The following WDR41 variants were observed in gnomAD, a reference collection of about 807,000 sequenced individuals.
WDR41 encodes the protein WD repeat-containing protein 41.
A neutral mutation model predicts 69.3 loss-of-function variants in WDR41; 63 were observed. The observed-to-expected ratio is 0.91, with a 90% CI of 0.74 to 1.12. The LOEUF is 1.12. WDR41 is among the 50% of genes most tolerant of loss of function. WDR41 has a pLI of 0.00. For synonymous variants in WDR41, 185 were observed against 192.1 expected, an observed-to-expected ratio of 0.96 and a Z score of 0.31; for missense variants, 543 against 534.5, an observed-to-expected ratio of 1.02 and a Z score of -0.16.
At position 77,481,953 on chromosome 5, in the gene WDR41, G is replaced by A. The variant is rs533871804; in HGVS notation, c.167+7504C>T. On this transcript the variant is annotated intron_variant, in intron 2 of 12. Coordinates refer to ENST00000296679, the MANE Select transcript of WDR41 (RefSeq NM_018268.4). ...AGGGTGGTTCTCCACTGAACACTCAGAACACTAGCAATATCTAAGAAAACA... is the reference window on the plus strand; with the variant it reads ...AGGGTGGTTCTCCACTGAACACTCAAAACACTAGCAATATCTAAGAAAACA... Among the ~76,000 whole-genome samples the A allele has an allele frequency of 7.9e-5, 12 of 152,302 alleles. No homozygotes were observed. The South Asian group carries it at 2.3e-3, about 29-fold the overall frequency.
chr5:77,504,696 C>A (rs1802078354), intron 1 of WDR41, among the ~76,000 whole-genome samples: 1 of 152,108 alleles, frequency 6.6e-6, no homozygotes, highest in Non-Finnish European at 1.5e-5. Flanking sequence ...CAGCTTCATC[C>A]CTGGGATGCA....
intron 2 of WDR41, among the ~76,000 whole-genome samples, chr5:77,465,031 C>A (rs1164527715): frequency 6.6e-6 from 1 of 152,084 alleles, no homozygotes; most frequent in Admixed American, 6.6e-5. Flanking sequence ...AAAGAATAAA[C>A]TGCTAGAAAT....
intron 1 of WDR41, among the ~76,000 whole-genome samples, chr5:77,607,295 T>C (rs1744442484): frequency 6.6e-6 from 1 of 152,186 alleles, no homozygotes; most frequent in Non-Finnish European, 1.5e-5. Context: ...TGATAGATGC[T>C]ACAAAGAAAA....
chr5:77,539,982 G>A (rs1743058133), intron 1 of WDR41, among the ~76,000 whole-genome samples: 2 of 152,118 alleles, frequency 1.3e-5, no homozygotes, highest in African/African-American at 4.8e-5. Context: ...GTATAGCTGG[G>A]CCTTTACATA....
chr5:77,615,023 A>G (rs1276353474), intron 1 of WDR41, among the ~76,000 whole-genome samples: 1 of 152,136 alleles, frequency 6.6e-6, no homozygotes, highest in Non-Finnish European at 1.5e-5. Flanking sequence ...TAGAAAGAAG[A>G]TCAGTGGCTG....
chr5:77,499,162 G>A (rs116319819), intron 1 of WDR41, among the ~76,000 whole-genome samples: 2,830 of 152,256 alleles, frequency 0.019, 64 homozygotes, highest in African/African-American at 0.055. Context: ...AATAGATGAC[G>A]TAACTCTTTA....
chr5:77,554,303 C>A (rs1358492067), intron 1 of WDR41, among the ~76,000 whole-genome samples: 4 of 152,128 alleles, frequency 2.6e-5, no homozygotes, highest in Non-Finnish European at 5.9e-5. Flanking sequence ...AGTAGTTGTT[C>A]TGGTCTGAAT....
chr5:77,492,137 G>A (rs755030285), intron 1 of WDR41, 33 bp downstream of exon 1: 11 of 1,601,822 alleles, frequency 6.9e-6, no homozygotes, highest in Admixed American at 1.7e-5. Flanking sequence ...CAGCAAGCTC[G>A]ACGGACGCAG....
intron 1 of WDR41, among the ~76,000 whole-genome samples, chr5:77,501,658 C>T (rs1038916032): frequency 3.3e-5 from 5 of 152,082 alleles, no homozygotes; most frequent in African/African-American, 9.7e-5. Flanking sequence ...GGTGGATGCC[C>T]CTCTGGGACA....
At chr5:77,509,967 C>G (rs915864016) in intron 1 of WDR41, among the ~76,000 whole-genome samples, 3 of 152,132 alleles carry the variant, frequency 2.0e-5, no homozygotes, top group African/African-American at 4.8e-5. Context: ...AATAGAACCT[C>G]TTAAGAAACT....
chr5:77,493,334 C>G (rs34741813), upstream of WDR41, among the ~76,000 whole-genome samples: 49,935 of 152,028 alleles, frequency 0.33, 8,282 homozygotes, highest in East Asian at 0.36. Flanking sequence ...AGGGAATCTA[C>G]AAATGTCCCA....
intron 3 of WDR41, among the ~76,000 whole-genome samples, chr5:77,464,297 T>TTTG (rs1212132532): frequency 3.0e-5 from 4 of 133,956 alleles, no homozygotes; most frequent in Non-Finnish European, 6.2e-5. Flanking sequence ...TTTTTTTTTT[T>TTTG]GAGACAGTCT....
At chr5:77,527,572 C>T (rs189911196) in intron 1 of WDR41, among the ~76,000 whole-genome samples, 1 of 151,758 alleles carries the variant, frequency 6.6e-6, no homozygotes, top group African/African-American at 2.4e-5. Flanking sequence ...ACAGACTATA[C>T]AATTTAAACA....
chr5:77,571,896 T>C (rs569291474), intron 1 of WDR41, among the ~76,000 whole-genome samples: 1 of 152,272 alleles, frequency 6.6e-6, no homozygotes, highest in African/African-American at 2.4e-5. Context: ...AGGGGGAAAG[T>C]GTTTTTCCAA....
At position 77,498,343 on chromosome 5, in the gene WDR41, A is replaced by G. The variant is rs1581774258; in HGVS notation, c.43-8771T>C. 2.0e-5 allele frequency among the ~76,000 whole-genome samples: 3 copies of G among 152,218 alleles called. 1 individual carries two copies. Among genetic ancestry groups the G allele is most frequent in the African/African-American group, 7.2e-5 (3 of 41,516 alleles). ...ATATATGGATAACTGATTTTTTTAC[A>G]GAAGTGTAAAGGCAGTCAGTGTAGA... On this transcript the variant is annotated intron_variant, in intron 1 of 5. Coordinates refer to the WDR41 transcript ENST00000509971.
intron 2 of WDR41, among the ~76,000 whole-genome samples, chr5:77,487,940 G>A (rs925683576): frequency 6.6e-6 from 1 of 152,184 alleles, no homozygotes; most frequent in African/African-American, 2.4e-5. Context: ...TTCCAAGAGG[G>A]CGAGGAGTCT....
At chr5:77,457,531 G>T (rs950130436) in intron 5 of WDR41, among the ~76,000 whole-genome samples, 2 of 151,888 alleles carry the variant, frequency 1.3e-5, no homozygotes, top group Non-Finnish European at 2.9e-5. Flanking sequence ...TTCCTTTAAA[G>T]AGTTTTCTAG....
At chr5:77,501,041 C>A (rs1466392761) in intron 1 of WDR41, among the ~76,000 whole-genome samples, 1 of 152,144 alleles carries the variant, frequency 6.6e-6, no homozygotes, top group African/African-American at 2.4e-5. Flanking sequence ...TGGGCACAAC[C>A]CATGTAGGGC....
chr5:77,440,738 G>T (rs1799125257), intron 9 of WDR41, 75 bp downstream of exon 9: 4 of 1,414,312 alleles, frequency 2.8e-6, no homozygotes, highest in Non-Finnish European at 3.9e-6. Context: ...TCCAACATGG[G>T]ATTAAATTTT....
Sources: gnomAD v4.1 joint callset for allele counts (sites outside exome capture counted in the v4.1 genomes callset) on GRCh38, gnomAD v4.1.1 for gene constraint, MANE v1.5 for transcripts, NCBI Gene and HGNC (gene_info 2026-07-23, HGNC 2026-07-21) for gene names.